TRAM1: variants seen among roughly 807,000 people sequenced by gnomAD.
TRAM1 encodes translocation associated membrane protein 1, also known as translocating chain-associated membrane protein 1.
TRAM1 carries 17 observed loss-of-function variants against 48.7 expected under a neutral mutation model. That is an observed-to-expected ratio of 0.35 (90% CI 0.24 to 0.52). The LOEUF is 0.52. TRAM1 is among the 20% of genes least tolerant of loss of function. The pLI, the probability that TRAM1 is intolerant of heterozygous loss-of-function variation, is 0.94. For synonymous variants in TRAM1, 182 were observed against 154.0 expected (o/e 1.18, Z -1.34); for missense variants, 351 against 441.5 (o/e 0.79, Z 1.84).
At chr8:70,602,130 G>A (rs1395016966) in intron 1 of TRAM1, among the ~76,000 whole-genome samples, 1 of 152,188 alleles carries the variant, frequency 6.6e-6, no homozygotes, top group Non-Finnish European at 1.5e-5. Flanking sequence ...TCTAAAAGGT[G>A]TGGTTAATAA....
chr8:70,606,264 C>G (rs1817715951), intron 1 of TRAM1, among the ~76,000 whole-genome samples: 1 of 152,268 alleles, frequency 6.6e-6, no homozygotes, highest in South Asian at 2.1e-4. Context: ...GAAACCTTGG[C>G]TCACCGCAGC....
chr8:70,580,994 T>A (rs536188386), intron 10 of TRAM1, among the ~76,000 whole-genome samples: 15 of 152,306 alleles, frequency 9.8e-5, no homozygotes, highest in Middle Eastern at 6.8e-3. Context: ...TAAACAGACA[T>A]TCATGTTCAT....
intron 4 of TRAM1, 153 bp downstream of exon 4, chr8:70,597,742 C>A: frequency 9.3e-6 from 3 of 321,126 alleles, no homozygotes; most frequent in Non-Finnish European, 1.7e-5. Flanking sequence ...ATAAGCCTTT[C>A]TGAAACAGTA....
chr8:70,583,810 G>GTT lies in TRAM1; in HGVS notation c.747-18_747-17insAA. 6.6e-7 allele frequency: 1 copy of GTT among 1,518,320 alleles called. No individual in the cohort carries two copies. Among genetic ancestry groups the GTT allele is most frequent in the Non-Finnish European group, 8.8e-7 (1 of 1,138,730 alleles). 94.1% of individuals were successfully genotyped at this position (1,518,320 alleles called of 1,614,324 possible). A position where few individuals can be genotyped will look rare whatever the true frequency, so the allele number is the denominator to read the frequency against. ...AGAGAAAATCTGCAAGAAAAAGGCC[G>GTT]TAAGTCAAATTCCTGAAATCTCAAA... On this transcript the variant is annotated splice_polypyrimidine_tract_variant and intron_variant, in intron 8 of 10. Transcript: ENST00000262213.
At chr8:70,607,860 G>A in intron 1 of TRAM1, 1 of 448,406 alleles carries the variant, frequency 2.2e-6, no homozygotes, top group Non-Finnish European at 3.6e-6. Flanking sequence ...GCCGCGATGA[G>A]GCCCACCGGG....
At chr8:70,582,762 T>TA (rs139326891) in intron 10 of TRAM1, among the ~76,000 whole-genome samples, 2,832 of 151,214 alleles carry the variant, frequency 0.019, 80 homozygotes, top group African/African-American at 0.065. Flanking sequence ...TCAGAAGTTA[T>TA]AAAAAAAAAG....
chr8:70,583,121 T>C lies in TRAM1; in HGVS notation c.1051+43A>G, dbSNP rs761789090. The C allele has an allele frequency of 3.2e-6, 5 of 1,569,342 alleles. No homozygotes were observed. The South Asian group carries it at 6.0e-5, about 19-fold the overall frequency. On this transcript the variant is annotated intron_variant, in intron 10 of 10. Coordinates refer to ENST00000262213, the MANE Select transcript of TRAM1 (RefSeq NM_014294.6). ...GATCCAACAACAAATTTTTTAAAAG[T>C]TTTCTACTTCCATGAGTTTTTCATT... is the stretch of plus-strand genomic sequence containing the variant.
chr8:70,577,227 T>C (rs550933744), intron 10 of TRAM1, among the ~76,000 whole-genome samples: 1 of 152,100 alleles, frequency 6.6e-6, no homozygotes, highest in Non-Finnish European at 1.5e-5. Flanking sequence ...TAGGCACCCC[T>C]TGGCATGACC....
At chr8:70,604,518 C>CA (rs1563392286) in intron 1 of TRAM1, among the ~76,000 whole-genome samples, 2 of 151,474 alleles carry the variant, frequency 1.3e-5, no homozygotes, top group African/African-American at 4.8e-5. Context: ...GACCCTGTCT[C>CA]AAAAAAAAGA....
intron 3 of TRAM1, 53 bp from the exon 4 acceptor site, chr8:70,598,064 A>T: frequency 6.5e-7 from 1 of 1,537,882 alleles, no homozygotes; most frequent in Non-Finnish European, 8.8e-7. Context: ...AATTATATTT[A>T]ATATATGACT....
chr8:70,605,798 T>A (rs1308353210), intron 1 of TRAM1, among the ~76,000 whole-genome samples: 2 of 152,230 alleles, frequency 1.3e-5, no homozygotes, highest in African/African-American at 4.8e-5. Context: ...CTATTTAGTA[T>A]TTTTGTCTAT....
In TRAM1 at chr8:70,574,503, C is replaced by T. The variant is rs1816900235; in HGVS notation, c.*429G>A. The T allele has an allele frequency of 4.9e-6, 1 of 204,666 alleles. No homozygotes were observed. Among genetic ancestry groups the T allele is most frequent in the African/African-American group, 2.4e-5 (1 of 41,834 alleles). 12.7% of individuals were successfully genotyped at this position (204,666 alleles called of 1,614,324 possible). A position where few individuals can be genotyped will look rare whatever the true frequency, so the allele number is the denominator to read the frequency against. The stretch of plus-strand genomic sequence containing the variant: ...TGAAAACATATTAAAGTTTGACATC[C>T]AACTTTATAGTATTTCCATGTTACC... On this transcript the variant is annotated 3_prime_UTR_variant, in exon 11 of 11. Coordinates refer to ENST00000262213, the MANE Select transcript of TRAM1 (RefSeq NM_014294.6).
In TRAM1 at chr8:70,574,889, A is replaced by G. The variant is rs762649393; in HGVS notation, c.*43T>C. The G allele has an allele frequency of 4.6e-6, 6 of 1,313,434 alleles. No homozygotes were observed. The highest frequency in any genetic ancestry group is 1.8e-5 in the Admixed American group (1 of 56,628). 81.4% of individuals were successfully genotyped at this position (1,313,434 alleles called of 1,614,324 possible). On this transcript the variant is annotated 3_prime_UTR_variant, in exon 11 of 11. Transcript: ENST00000262213. ...TCTAATGCTGAAAGATATAGTAGAA[A>G]GCAGATTTCTTTGGGGACATTAATC... is the stretch of plus-strand genomic sequence containing the variant.
intron 1 of TRAM1, chr8:70,607,330 C>A: frequency 1.0e-6 from 1 of 985,436 alleles, no homozygotes. Flanking sequence ...TTCCTTGGCA[C>A]CGCTGTTCAG....
In TRAM1 at chr8:70,573,859, T is replaced by A. The variant is rs1816877642; in HGVS notation, c.*1073A>T. 1 of 149,230 alleles carries A rather than the reference T, an allele frequency of 6.7e-6. No individual in the cohort carries two copies. The highest frequency in any genetic ancestry group is 2.1e-4 in the South Asian group (1 of 4,814). 9.2% of individuals were successfully genotyped at this position (149,230 alleles called of 1,614,324 possible). The stretch of plus-strand genomic sequence containing the variant: ...TAGAGCCTTTCTGTAGAGATACAAA[T>A]ATATATATATATATTTATCCAAAAA... On this transcript the variant is annotated 3_prime_UTR_variant, in exon 11 of 11. Coordinates refer to ENST00000262213, the MANE Select transcript of TRAM1 (RefSeq NM_014294.6).
intron 9 of TRAM1, 43 bp downstream of exon 9, chr8:70,583,607 T>C (rs765166540): frequency 1.5e-5 from 24 of 1,587,092 alleles, no homozygotes; most frequent in Non-Finnish European, 2.1e-5. Context: ...TAATATATAT[T>C]ATCTAGCTGT....
At chr8:70,607,413 T>C in intron 1 of TRAM1, 3 of 985,444 alleles carry the variant, frequency 3.0e-6, no homozygotes, top group Non-Finnish European at 3.6e-6. Context: ...GGTAATAATA[T>C]CAGTTTAAAA....
intron 6 of TRAM1, among the ~76,000 whole-genome samples, chr8:70,591,470 G>T (rs1004180882): frequency 6.6e-6 from 1 of 152,230 alleles, no homozygotes; most frequent in South Asian, 2.1e-4. Context: ...ACATTTACAT[G>T]GGTTGTGGGG....
chr8:70,582,277 C>G lies in TRAM1; in HGVS notation c.1051+887G>C, dbSNP rs148507514. On this transcript the variant is annotated intron_variant, in intron 10 of 10. Coordinates refer to ENST00000262213, the MANE Select transcript of TRAM1 (RefSeq NM_014294.6). ...TCCCAGCAACTTTTGTGGAAATTGA[C>G]CAGGTTGTATAATTTTTTTTTTTTT... is the stretch of plus-strand genomic sequence containing the variant. Among the ~76,000 whole-genome samples, 16 of 151,208 alleles carry G rather than the reference C, an allele frequency of 1.1e-4. No individual in the cohort carries two copies. The East Asian group carries it at 3.1e-3, about 29-fold the overall frequency.
Sources: gnomAD v4.1 joint callset for allele counts (sites outside exome capture counted in the v4.1 genomes callset) on GRCh38, gnomAD v4.1.1 for gene constraint, MANE v1.5 for transcripts, NCBI Gene and HGNC (gene_info 2026-07-23, HGNC 2026-07-21) for gene names.